LRRC75A: variants seen among roughly 807,000 people sequenced by gnomAD.
The protein encoded by LRRC75A is leucine rich repeat containing 75A, also known as leucine-rich repeat-containing protein 75A.
Under a neutral mutation model 26.0 loss-of-function variants are expected in LRRC75A, and 12 were observed. That is an observed-to-expected ratio of 0.46 (90% confidence interval 0.30 to 0.75). The LOEUF (loss-of-function observed/expected upper bound fraction) is 0.75, where lower values mean the gene tolerates loss of function less well. Among genes scored for constraint, LRRC75A ranks in the 30% least tolerant of loss-of-function variants. LRRC75A has a pLI of 0.08. For synonymous variants in LRRC75A, 223 were observed against 219.3 expected, an observed-to-expected ratio of 1.02 and a Z score of -0.15; for missense variants, 410 against 486.6, an observed-to-expected ratio of 0.84 and a Z score of 1.48.
rs1445720527 is a variant in LRRC75A at position 16,462,423 on chromosome 17, C to A, written c.247-37G>T. On this transcript the variant is annotated intron_variant, in intron 1 of 3. Transcript: ENST00000470794. The surrounding 1 kb of genome is among the most constrained non-coding windows in gnomAD (Gnocchi z 4.6). ...AAGGATGCCCAGAGGTCAGGGCTGGCTGCCCACCCAGCTCGCCCACCATCC... is the reference window on the plus strand; with the variant it reads ...AAGGATGCCCAGAGGTCAGGGCTGGATGCCCACCCAGCTCGCCCACCATCC... 6.2e-7 allele frequency: 1 copy of A among 1,611,512 alleles called. No individual in the cohort carries two copies. The highest frequency in any genetic ancestry group is 8.5e-7 in the Non-Finnish European group (1 of 1,179,328).
At chr17:16,463,477 T>A (rs1601157919) in intron 1 of LRRC75A, among the ~76,000 whole-genome samples, 1 of 152,080 alleles carries the variant, frequency 6.6e-6, no homozygotes, top group Non-Finnish European at 1.5e-5. Context: ...CTGGGGAACA[T>A]GAGACATCCC....
At chr17:16,447,510 C>T (rs2093596010) in intron 3 of LRRC75A, among the ~76,000 whole-genome samples, 1 of 152,158 alleles carries the variant, frequency 6.6e-6, no homozygotes, top group Admixed American at 6.5e-5. Flanking sequence ...ATTGGTCAGG[C>T]TGGTCTCGAA....
chr17:16,488,405 G>A (rs574224139), intron 1 of LRRC75A, among the ~76,000 whole-genome samples: 1 of 152,378 alleles, frequency 6.6e-6, no homozygotes, highest in East Asian at 1.9e-4. Context: ...GCCTGAGAAA[G>A]GATGCCACAA....
At chr17:16,472,331 G>GA (rs917423630) in intron 1 of LRRC75A, among the ~76,000 whole-genome samples, 17 of 150,708 alleles carry the variant, frequency 1.1e-4, no homozygotes, top group African/African-American at 2.2e-4. Flanking sequence ...AAAGAACGCA[G>GA]AAAAAAAAAG....
intron 2 of LRRC75A, among the ~76,000 whole-genome samples, chr17:16,456,098 G>A (rs185100481): frequency 1.1e-3 from 167 of 146,260 alleles, no homozygotes; most frequent in African/African-American, 4.3e-3. Flanking sequence ...GGAGGAGGAA[G>A]GGGAGGGGGA....
At chr17:16,479,606 T>A (rs1161185276) in intron 1 of LRRC75A, among the ~76,000 whole-genome samples, 1 of 152,228 alleles carries the variant, frequency 6.6e-6, no homozygotes, top group Non-Finnish European at 1.5e-5. Context: ...ACCAAGGGGA[T>A]AGGCATCCTT....
chr17:16,444,929 C>T (rs1270246285), intron 3 of LRRC75A, among the ~76,000 whole-genome samples: 1 of 150,238 alleles, frequency 6.7e-6, no homozygotes, highest in East Asian at 2.0e-4. Context: ...GTTCACTGCA[C>T]CCTCTGCCTC....
At chr17:16,449,326 C>G (rs1217457934) in intron 2 of LRRC75A, among the ~76,000 whole-genome samples, 3 of 152,236 alleles carry the variant, frequency 2.0e-5, no homozygotes, top group Non-Finnish European at 2.9e-5. Flanking sequence ...CGTGGGGATT[C>G]AAGTCCTGGC....
intron 1 of LRRC75A, among the ~76,000 whole-genome samples, chr17:16,468,095 C>T (rs74462690): frequency 3.3e-4 from 51 of 152,342 alleles, no homozygotes; most frequent in Admixed American, 5.9e-4. Flanking sequence ...AAACTGGAAA[C>T]TTTGTGCGCT....
intron 1 of LRRC75A, among the ~76,000 whole-genome samples, chr17:16,475,908 G>A (rs2093818593): frequency 6.6e-6 from 1 of 152,072 alleles, no homozygotes; most frequent in Admixed American, 6.5e-5. Context: ...TTAGCTGGGT[G>A]TTGGCCGGGC....
rs2093858129 is a variant in LRRC75A at position 16,491,840 on chromosome 17, A to G, written c.151T>C (p.Tyr51His). 6.4e-6 allele frequency: 9 copies of G among 1,402,586 alleles called. No individual in the cohort carries two copies. In the East Asian group the frequency reaches 1.9e-4, roughly 30 times the overall value. The allele number at this position is 1,402,586 out of a possible 1,614,324, so 86.9% of individuals were successfully genotyped here. ...TGGACCATGCCGACTCGCCGGTGGT[A>G]GGGGGGCATCCCCGCGCCCGCGCGC... ...AGRAGAGMPP[Y>H]HRRVGMVQEL... The change falls in exon 1 of 4, where the codon TAC (tyrosine) becomes CAC (histidine). Residue 51 changes from tyrosine (Y) to histidine (H), a missense_variant. Transcript: ENST00000470794. This position sits in a 1 kb window ranked among gnomAD's most constrained non-coding sequence, Gnocchi z 5.9.
chr17:16,469,097 C>T (rs967930616), intron 1 of LRRC75A, among the ~76,000 whole-genome samples: 4 of 152,120 alleles, frequency 2.6e-5, no homozygotes, highest in African/African-American at 9.7e-5. Flanking sequence ...TCAGGAAAAC[C>T]AACACTGGCT....
intron 2 of LRRC75A, among the ~76,000 whole-genome samples, chr17:16,458,716 C>T (rs985890566): frequency 6.6e-6 from 1 of 152,050 alleles, no homozygotes; most frequent in South Asian, 2.1e-4. Context: ...CCACCTGCCT[C>T]GGCCTCCCAA....
In LRRC75A at chr17:16,480,629, C is replaced by CAAAAAAA. The variant is rs749950024; in HGVS notation, c.246+11109_246+11115dup. Among the ~76,000 whole-genome samples the CAAAAAAA allele has an allele frequency of 4.9e-4, 40 of 81,414 alleles. 2 individuals carry two copies. Among genetic ancestry groups the CAAAAAAA allele is most frequent in the African/African-American group, 1.8e-3 (38 of 21,712 alleles). The allele number at this position is 81,414 out of a possible 152,430, so 53.4% of individuals were successfully genotyped here. A position where few individuals can be genotyped will look rare whatever the true frequency, so the allele number is the denominator to read the frequency against. ...GGGCAACAAGAGCGAGACTTCGTCTCAAAAAAAAAAAAACAAAAAAAAAAA... is the reference window on the plus strand; with the variant it reads ...GGGCAACAAGAGCGAGACTTCGTCTCAAAAAAAAAAAAAAAAAAAACAAAAAAAAAAA... On this transcript the variant is annotated intron_variant, in intron 1 of 3. Coordinates refer to ENST00000470794, the MANE Select transcript of LRRC75A (RefSeq NM_001113567.3).
Position 16,492,086 on chromosome 17 carries a change from G to C in LRRC75A, c.-96C>G, listed in dbSNP as rs2093858865. ...GGCCGCCCGTGCGCGCTCGCCTCCC[G>C]GGCTGCAACTTTGGGGGAACTGTTG... is the stretch of plus-strand genomic sequence containing the variant. On this transcript the variant is annotated 5_prime_UTR_variant, in exon 1 of 4. Coordinates refer to ENST00000470794, the MANE Select transcript of LRRC75A (RefSeq NM_001113567.3). 1 of 1,026,468 alleles carries C rather than the reference G, an allele frequency of 9.7e-7. No homozygotes were observed. The highest frequency in any genetic ancestry group is 4.6e-5 in the South Asian group (1 of 21,862). 63.6% of individuals were successfully genotyped at this position (1,026,468 alleles called of 1,614,324 possible).
chr17:16,476,965 C>G (rs1341532402), intron 1 of LRRC75A, among the ~76,000 whole-genome samples: 1 of 150,994 alleles, frequency 6.6e-6, no homozygotes, highest in Non-Finnish European at 1.5e-5. Context: ...GTCTCAATCT[C>G]CTGACCTTGT....
chr17:16,483,463 G>A (rs1470199105), intron 1 of LRRC75A, among the ~76,000 whole-genome samples: 1 of 152,202 alleles, frequency 6.6e-6, no homozygotes, highest in Non-Finnish European at 1.5e-5. Flanking sequence ...TGCACCAGCT[G>A]AGGCCAAGGT....
intron 1 of LRRC75A, among the ~76,000 whole-genome samples, chr17:16,473,134 T>A (rs1042066678): frequency 6.8e-6 from 1 of 146,764 alleles, no homozygotes; most frequent in African/African-American, 2.7e-5. Context: ...GTAGTCTGTG[T>A]GTGTGTGTGT....
intron 1 of LRRC75A, among the ~76,000 whole-genome samples, chr17:16,475,713 C>T (rs1462435887): frequency 6.6e-6 from 1 of 152,004 alleles, no homozygotes; most frequent in Non-Finnish European, 1.5e-5. Flanking sequence ...GCTGAGACTA[C>T]AGGTACGTGC....
Sources: gnomAD v4.1 joint callset for allele counts (sites outside exome capture counted in the v4.1 genomes callset) on GRCh38, gnomAD v4.1.1 for gene constraint, Gnocchi (gnomAD v3.1) non-coding constraint, MANE v1.5 for transcripts, NCBI Gene and HGNC (gene_info 2026-07-23, HGNC 2026-07-21) for gene names.